Variants in PEAK1 observed in about 807,000 individuals in gnomAD.
PEAK1 encodes pseudopodium enriched atypical kinase 1, also known as inactive tyrosine-protein kinase PEAK1.
In PEAK1, 54 loss-of-function variants were observed where a neutral mutation model predicts 124.7. The ratio of observed to expected loss-of-function variants is 0.43; its 90% CI spans 0.35 to 0.54. PEAK1 has a LOEUF of 0.54. PEAK1 is among the 20% of genes least tolerant of loss of function. PEAK1 has a pLI of 0.01. For missense variants in PEAK1, 2,046 were observed against 2,134.5 expected, an observed-to-expected ratio of 0.96 and a Z score of 0.82; for synonymous variants, 719 against 760.0, an observed-to-expected ratio of 0.95 and a Z score of 0.89.
At chr15:77,176,103 G>A (rs374728523) in intron 7 of PEAK1, among the ~76,000 whole-genome samples, 3 of 151,864 alleles carry the variant, frequency 2.0e-5, no homozygotes, top group African/African-American at 7.3e-5. Context: ...GGACTGTTGT[G>A]GGGTGGGGGG....
intron 5 of PEAK1, among the ~76,000 whole-genome samples, chr15:77,261,822 T>G (rs1303528134): frequency 6.6e-6 from 1 of 151,838 alleles, no homozygotes; most frequent in Non-Finnish European, 1.5e-5. Context: ...TTCACCAAAG[T>G]TGAAATGAAG....
chr15:77,367,299 T>G (rs1178817250), intron 1 of PEAK1, among the ~76,000 whole-genome samples: 1 of 152,166 alleles, frequency 6.6e-6, no homozygotes, highest in African/African-American at 2.4e-5. Flanking sequence ...TTTTTTCATG[T>G]ATACGATTCA....
intron 1 of PEAK1, among the ~76,000 whole-genome samples, chr15:77,370,056 G>A (rs2141671209): frequency 6.6e-6 from 1 of 152,190 alleles, no homozygotes; most frequent in South Asian, 2.1e-4. Flanking sequence ...CAGCATCAAA[G>A]ATCATTTCCT....
chr15:77,207,961 C>T (rs118119451), intron 6 of PEAK1, among the ~76,000 whole-genome samples: 1 of 152,162 alleles, frequency 6.6e-6, no homozygotes, highest in East Asian at 1.9e-4. Flanking sequence ...GGTCTAGGAA[C>T]AGGTTGGGCT....
rs1403612539 is a variant in PEAK1 at position 77,109,891 on chromosome 15, T to C, written c.*4265A>G. On this transcript the variant is annotated 3_prime_UTR_variant, in exon 10 of 10. Coordinates refer to ENST00000682557, the MANE Select transcript of PEAK1 (RefSeq NM_001385026.1). ...TACACATCTAGAATCATTTGAAATATAGTGTAGTATCCTAAATCCATCTCT... is the reference window on the plus strand; with the variant it reads ...TACACATCTAGAATCATTTGAAATACAGTGTAGTATCCTAAATCCATCTCT... 1.3e-5 allele frequency: 2 copies of C among 152,224 alleles called. No individual in the cohort carries two copies. Among genetic ancestry groups the C allele is most frequent in the African/African-American group, 4.8e-5 (2 of 41,464 alleles). The allele number at this position is 152,224 out of a possible 1,614,324, so 9.4% of individuals were successfully genotyped here.
chr15:77,288,798 G>A (rs1476938750), intron 2 of PEAK1, among the ~76,000 whole-genome samples: 29 of 151,952 alleles, frequency 1.9e-4, no homozygotes, highest in Non-Finnish European at 2.2e-4. Flanking sequence ...GTGTGGTGGC[G>A]GGCACCTGTA....
In PEAK1 at chr15:77,180,774, G is replaced by A. The variant is rs756424725; in HGVS notation, c.1153C>T (p.Pro385Ser). ...TTACTAGAGGGACTTTCATAATTGG[G>A]CTCAATTTCCTTCATGTCCTTAGAA... ...GDSKDMKEIE[P>S]NYESPSSNNQ... The change falls in exon 7 of 10, where the codon CCC (proline) becomes TCC (serine). Residue 385 changes from proline to serine, a missense_variant. Transcript: ENST00000682557. 1 of 1,613,958 alleles carries A rather than the reference G, an allele frequency of 6.2e-7. No individual in the cohort carries two copies. Among genetic ancestry groups the A allele is most frequent in the East Asian group, 2.2e-5 (1 of 44,860 alleles).
chr15:77,279,359 G>C (rs1327601099), intron 5 of PEAK1, among the ~76,000 whole-genome samples: 1 of 152,076 alleles, frequency 6.6e-6, no homozygotes, highest in Admixed American at 6.6e-5. Context: ...AAACAAATTT[G>C]TTTTTATGTT....
At chr15:77,225,666 T>TTTTATATATATATATA (rs1555448932) in intron 6 of PEAK1, among the ~76,000 whole-genome samples, 5 of 87,994 alleles carry the variant, frequency 5.7e-5, no homozygotes, top group African/African-American at 7.9e-5. Flanking sequence ...TGTGTATAAT[T>TTTTATATATATATATA]TATATATATA....
At chr15:77,156,390 TGTC>T (rs1223183318) in intron 8 of PEAK1, 1 of 152,588 alleles carries the variant, frequency 6.6e-6, no homozygotes, top group African/African-American at 2.4e-5. Flanking sequence ...GTTTTCCAGG[TGTC>T]GTCTGTCACC....
At chr15:77,190,725 G>C (rs906336094) in intron 6 of PEAK1, among the ~76,000 whole-genome samples, 1 of 152,130 alleles carries the variant, frequency 6.6e-6, no homozygotes, top group African/African-American at 2.4e-5. Flanking sequence ...ATGACATCAT[G>C]GTGCAACCAC....
At chr15:77,291,542 C>T (rs915204315) in intron 2 of PEAK1, among the ~76,000 whole-genome samples, 1 of 152,162 alleles carries the variant, frequency 6.6e-6, no homozygotes, top group Non-Finnish European at 1.5e-5. Context: ...TATAGAGGAT[C>T]ATTTAAATGC....
In PEAK1 at chr15:77,114,501, G is replaced by C; in HGVS notation, c.4896C>G (p.Ser1632=). 6.2e-7 allele frequency: 1 copy of C among 1,614,050 alleles called. No individual in the cohort carries two copies. The highest frequency in any genetic ancestry group is 1.6e-4 in the Middle Eastern group (1 of 6,062). The change falls in exon 10 of 10, where the codon TCC becomes TCG. Residue 1632 remains serine (S), a synonymous_variant. Coordinates refer to ENST00000682557, the MANE Select transcript of PEAK1 (RefSeq NM_001385026.1). ...RADLPRIPFR[S]PYSRGLQQLA... is the part of the protein sequence containing the mutation. ...GCTGCTGCAGACCCCGGGAGTAGGGGGAGCGGAATGGGATGCGAGGCAGGT... is the reference window on the plus strand; with the variant it reads ...GCTGCTGCAGACCCCGGGAGTAGGGCGAGCGGAATGGGATGCGAGGCAGGT...
At chr15:77,420,114 T>TA (rs2073262172), upstream of PEAK1, 1 of 149,352 alleles carries the variant, frequency 6.7e-6, no homozygotes, top group African/African-American at 2.5e-5. Context: ...TAACAACAAC[T>TA]AACTAACTAC....
chr15:77,277,202 T>C (rs1267821880), intron 5 of PEAK1, among the ~76,000 whole-genome samples: 1 of 152,202 alleles, frequency 6.6e-6, no homozygotes, highest in Non-Finnish European at 1.5e-5. Flanking sequence ...GGCATTATGC[T>C]GAGTAAAAAA....
intron 2 of PEAK1, chr15:77,337,025 T>C (rs2066246102): frequency 1.5e-6 from 1 of 686,956 alleles, no homozygotes; most frequent in African/African-American, 2.0e-5. Flanking sequence ...ATAAATTAAC[T>C]AGATTATAGT....
chr15:77,156,654 A>G (rs2055187193), intron 8 of PEAK1: 1 of 152,194 alleles, frequency 6.6e-6, no homozygotes, highest in African/African-American at 2.4e-5. Context: ...CCGAAATAAA[A>G]TAATTTTAAC....
intron 5 of PEAK1, among the ~76,000 whole-genome samples, chr15:77,254,680 A>T (rs2061042867): frequency 6.6e-6 from 1 of 151,982 alleles, no homozygotes; most frequent in South Asian, 2.1e-4. Flanking sequence ...CTATCTTCCC[A>T]CCACAGCCTT....
intron 9 of PEAK1, among the ~76,000 whole-genome samples, chr15:77,116,259 C>T (rs1203437632): frequency 6.6e-6 from 1 of 152,164 alleles, no homozygotes; most frequent in African/African-American, 2.4e-5. Flanking sequence ...AATACTAGTT[C>T]ATGGATCATA....
Sources: gnomAD v4.1 joint callset for allele counts (sites outside exome capture counted in the v4.1 genomes callset) on GRCh38, gnomAD v4.1.1 for gene constraint, MANE v1.5 for transcripts, NCBI Gene and HGNC (gene_info 2026-07-23, HGNC 2026-07-21) for gene names.